Variants in PCSK5 observed in about 807,000 individuals in gnomAD.
PCSK5 encodes the protein prohormone convertase 5.
Under a neutral mutation model 233.2 loss-of-function variants are expected in PCSK5, and 129 were observed. The observed-to-expected ratio is 0.55, with a 90% CI of 0.48 to 0.64. The LOEUF (loss-of-function observed/expected upper bound fraction) is 0.64, where lower values mean the gene tolerates loss of function less well. PCSK5 is among the 30% of genes least tolerant of loss of function. PCSK5 has a pLI of 0.00. For missense variants in PCSK5, 2,076 were observed against 2,430.1 expected, an observed-to-expected ratio of 0.85 and a Z score of 3.06; for synonymous variants, 825 against 879.2, an observed-to-expected ratio of 0.94 and a Z score of 1.09.
intron 20 of PCSK5, chr9:76,193,247 G>A (rs1665447541): frequency 6.2e-7 from 1 of 1,613,456 alleles, no homozygotes; most frequent in Non-Finnish European, 8.5e-7. Flanking sequence ...CAACGGAAGA[G>A]TCCTGGGCGG....
At position 76,323,118 on chromosome 9, in the gene PCSK5, C is replaced by T. The variant is rs1213675072; in HGVS notation, c.4169C>T (p.Ala1390Val). The T allele has an allele frequency of 1.2e-6, 2 of 1,611,700 alleles. No homozygotes were observed. Among genetic ancestry groups the T allele is most frequent in the Admixed American group, 1.7e-5 (1 of 59,868 alleles). ...CAGTCCTGTCCCCGTGGCTTCTATGCAGACTCGCGCCACTGTGTCCCCTGC... is the reference window on the plus strand; with the variant it reads ...CAGTCCTGTCCCCGTGGCTTCTATGTAGACTCGCGCCACTGTGTCCCCTGC... The part of the protein sequence containing the change: ...CHQSCPRGFY[A>V]DSRHCVPCHK... Residue 1390 changes from alanine (A) to valine (V), a missense_variant, in exon 32 of 38, where the codon GCA becomes GTA. Around this residue, in one of 6 missense-constraint regions of PCSK5, gnomAD observed 1,510 missense variants for 1,538.1 expected, o/e 0.98. Transcript: ENST00000674117.
intron 2 of PCSK5, among the ~76,000 whole-genome samples, chr9:75,974,361 C>T (rs553512321): frequency 6.6e-5 from 10 of 152,272 alleles, no homozygotes; most frequent in South Asian, 6.2e-4. Context: ...CTGGAAGCCC[C>T]GACAGTGGTT....
At chr9:75,920,544 C>G (rs946786177) in intron 1 of PCSK5, among the ~76,000 whole-genome samples, 1 of 152,044 alleles carries the variant, frequency 6.6e-6, no homozygotes, top group South Asian at 2.1e-4. Context: ...ATGGGTCATG[C>G]TTGTAGTCCC....
In PCSK5 at chr9:76,250,083, G is replaced by T. The variant is rs1352719152; in HGVS notation, c.3142+9399G>T. ...GCACTTTAGGAGGCTGAGGCAGGCAGATCATAAGGTCAAGAGATCGAGACC... is the reference window on the plus strand; with the variant it reads ...GCACTTTAGGAGGCTGAGGCAGGCATATCATAAGGTCAAGAGATCGAGACC... On this transcript the variant is annotated intron_variant, in intron 24 of 37. Transcript: ENST00000674117. 2.6e-5 allele frequency among the ~76,000 whole-genome samples: 4 copies of T among 152,172 alleles called. No individual in the cohort carries two copies. The South Asian group carries it at 8.3e-4, about 32-fold the overall frequency.
At chr9:76,052,734 A>G (rs1483002202) in intron 5 of PCSK5, among the ~76,000 whole-genome samples, 1 of 152,150 alleles carries the variant, frequency 6.6e-6, no homozygotes, top group Non-Finnish European at 1.5e-5. Context: ...GTCTTAACTC[A>G]TTTCAGCATT....
At chr9:76,160,771 T>C (rs887991149) in intron 12 of PCSK5, among the ~76,000 whole-genome samples, 2 of 149,014 alleles carry the variant, frequency 1.3e-5, no homozygotes, top group Admixed American at 6.7e-5. Context: ...TCTGATATCT[T>C]TTTTTTTTTT....
In PCSK5 at chr9:76,310,326, C is replaced by A. The variant is rs7357776; in HGVS notation, c.3689-330C>A. 7.6e-3 allele frequency among the ~76,000 whole-genome samples: 1,157 copies of A among 151,856 alleles called. 24 individuals carry two copies. The highest frequency in any genetic ancestry group is 0.027 in the African/African-American group (1,099 of 41,412). ...TGGGGAAGCAGAGTATTAATAGATT[C>A]CATCAAGCTGTGCATGTACAGCTGC... On this transcript the variant is annotated intron_variant, in intron 29 of 37. Transcript: ENST00000674117.
rs1452868728 is a variant in PCSK5, at chr9:76,205,114, T to C, written c.2626+15368T>C. The C allele has an allele frequency of 1.3e-5, 7 of 518,976 alleles. No homozygotes were observed. The East Asian group carries it at 3.8e-4, about 28-fold the overall frequency. The allele number at this position is 518,976 out of a possible 1,614,324, so 32.1% of individuals were successfully genotyped here. On this transcript the variant is annotated intron_variant, in intron 20 of 37. Transcript: ENST00000674117. ...ATATCTGTCATTTCTTTAGGTTTGC[T>C]GCCTAGAAAGATCTCATTGTCAGGT...
In PCSK5 at chr9:76,268,053, C is replaced by T. The variant is rs544951974; in HGVS notation, c.3143-24180C>T. Among the ~76,000 whole-genome samples the T allele has an allele frequency of 3.3e-5, 5 of 152,154 alleles. 1 individual carries two copies. In the South Asian group the frequency reaches 1.0e-3, roughly 32 times the overall value. On this transcript the variant is annotated intron_variant, in intron 24 of 37. Coordinates refer to ENST00000674117, the MANE Select transcript of PCSK5 (RefSeq NM_001372043.1). Reference sequence around the variant, plus strand: ...GGTGAGGTGGATAGGCTGACTTGTGCCACAGACTAAGACATCTGCCATTAA... The same window carrying T: ...GGTGAGGTGGATAGGCTGACTTGTGTCACAGACTAAGACATCTGCCATTAA...
intron 35 of PCSK5, among the ~76,000 whole-genome samples, chr9:76,343,977 A>G (rs1257562930): frequency 6.6e-6 from 1 of 152,180 alleles, no homozygotes; most frequent in Non-Finnish European, 1.5e-5. Context: ...TTTTAATCAT[A>G]CACTTCATTT....
At chr9:76,271,985 G>A (rs1179671088) in intron 24 of PCSK5, among the ~76,000 whole-genome samples, 2 of 152,148 alleles carry the variant, frequency 1.3e-5, no homozygotes, top group Non-Finnish European at 1.5e-5. Flanking sequence ...CCACCTTAAT[G>A]TAATGTGACC....
chr9:76,188,349 C>G (rs1394283469), intron 17 of PCSK5, among the ~76,000 whole-genome samples: 1 of 152,094 alleles, frequency 6.6e-6, no homozygotes, highest in Non-Finnish European at 1.5e-5. Context: ...TCCCCGAAGC[C>G]TAGCAGCGTG....
At chr9:76,257,867 A>C (rs1827035064) in intron 24 of PCSK5, among the ~76,000 whole-genome samples, 1 of 152,178 alleles carries the variant, frequency 6.6e-6, no homozygotes, top group South Asian at 2.1e-4. Context: ...GCCTGTGACT[A>C]TCTGTAGCAA....
intron 24 of PCSK5, among the ~76,000 whole-genome samples, chr9:76,269,035 G>A (rs1827425347): frequency 6.6e-6 from 1 of 152,154 alleles, no homozygotes; most frequent in Non-Finnish European, 1.5e-5. Context: ...ACAAGTGCCA[G>A]GCAGGTACCA....
chr9:75,942,624 T>G (rs1350638041), intron 2 of PCSK5, among the ~76,000 whole-genome samples: 2 of 152,216 alleles, frequency 1.3e-5, no homozygotes, highest in Non-Finnish European at 2.9e-5. Flanking sequence ...ATTCTTGTTC[T>G]CTTCTGCTTT....
chr9:76,339,382 T>A (rs1406352427), intron 35 of PCSK5, among the ~76,000 whole-genome samples: 1 of 152,190 alleles, frequency 6.6e-6, no homozygotes, highest in African/African-American at 2.4e-5. Context: ...TAAAAATCTT[T>A]CATTTTTAAA....
intron 5 of PCSK5, among the ~76,000 whole-genome samples, chr9:76,039,699 A>G (rs1340913720): frequency 6.6e-6 from 1 of 152,228 alleles, no homozygotes; most frequent in Non-Finnish European, 1.5e-5. Flanking sequence ...TAAAAATGCA[A>G]TACACAAGAA....
At chr9:76,151,021 A>C (rs1037514233) in intron 10 of PCSK5, among the ~76,000 whole-genome samples, 4 of 151,778 alleles carry the variant, frequency 2.6e-5, no homozygotes, top group African/African-American at 7.3e-5. Context: ...AAAAAAAAAA[A>C]AACTATACTT....
At chr9:76,206,171 CT>C (rs1319169939) in intron 20 of PCSK5, among the ~76,000 whole-genome samples, 1 of 152,148 alleles carries the variant, frequency 6.6e-6, no homozygotes. Context: ...ATTTATATTT[CT>C]AATAAATTCC....
Sources: allele counts gnomAD v4.1 joint callset (sites outside exome capture counted in the v4.1 genomes callset), GRCh38; gene constraint gnomAD v4.1.1; regional missense constraint gnomAD v4.1.1; transcripts MANE v1.5; gene names NCBI Gene and HGNC (gene_info 2026-07-23, HGNC 2026-07-21).